PRELID2: variants seen among roughly 807,000 people sequenced by gnomAD.
The protein encoded by PRELID2 is PRELI domain-containing protein 2.
PRELID2 carries 25 observed loss-of-function variants against 28.4 expected under a neutral mutation model. The ratio of observed to expected loss-of-function variants is 0.88; its 90% confidence interval spans 0.64 to 1.23. PRELID2 has a LOEUF of 1.23. PRELID2 is among the 50% of genes most tolerant of loss of function. The pLI is 0.00. For missense variants in PRELID2, 201 were observed against 214.4 expected, an observed-to-expected ratio of 0.94 and a Z score of 0.39; for synonymous variants, 76 against 71.6, an observed-to-expected ratio of 1.06 and a Z score of -0.31.
the PRELID2 span, among the ~76,000 whole-genome samples, chr5:145,302,605 A>G: frequency 2.6e-5 from 4 of 151,862 alleles, no homozygotes; most frequent in East Asian, 7.7e-4. Flanking sequence ...TTTTTATTTT[A>G]GTAGGTGTGT....
intron 5 of PRELID2, among the ~76,000 whole-genome samples, chr5:145,787,593 T>G (rs922590274): frequency 6.6e-6 from 1 of 151,534 alleles, no homozygotes; most frequent in Non-Finnish European, 1.5e-5. Flanking sequence ...CAGGCTAGGG[T>G]GCAGTGGTGC....
At chr5:145,656,045 A>C (rs2149674174) in intron 1 of PRELID2, among the ~76,000 whole-genome samples, 1 of 152,358 alleles carries the variant, frequency 6.6e-6, no homozygotes, top group South Asian at 2.1e-4. Context: ...GAACTCAAAC[A>C]AATTTATGAG....
At chr5:145,584,013 G>T (rs770718674) in intron 1 of PRELID2, among the ~76,000 whole-genome samples, 1 of 152,032 alleles carries the variant, frequency 6.6e-6, no homozygotes, top group Non-Finnish European at 1.5e-5. Context: ...AAAGCTGGAG[G>T]CATCACACTA....
the PRELID2 span, among the ~76,000 whole-genome samples, chr5:145,360,727 CTATTTGATATGGAGT>C: frequency 1.4e-4 from 22 of 152,140 alleles, no homozygotes; most frequent in African/African-American, 5.3e-4. Flanking sequence ...GTCAATAACT[CTATTTGATATGGAGT>C]TATAATAATT....
At chr5:145,346,829 TATCTTTACATGCC>T in the PRELID2 span, among the ~76,000 whole-genome samples, 1 of 152,164 alleles carries the variant, frequency 6.6e-6, no homozygotes, top group African/African-American at 2.4e-5. Context: ...GAACTCTGCT[TATCTTTACATGCC>T]AGAAAGGAAG....
the PRELID2 span, among the ~76,000 whole-genome samples, chr5:145,409,822 C>T: frequency 3.3e-5 from 5 of 150,858 alleles, no homozygotes; most frequent in Admixed American, 1.3e-4. Context: ...GAAACTATCA[C>T]ATGAAACCAA....
intron 1 of PRELID2, among the ~76,000 whole-genome samples, chr5:145,601,383 C>T (rs1753395532): frequency 1.3e-5 from 2 of 151,758 alleles, no homozygotes; most frequent in Non-Finnish European, 2.9e-5. Context: ...TCACCAGCCC[C>T]GTTGATGGTT....
intron 1 of PRELID2, among the ~76,000 whole-genome samples, chr5:145,474,830 C>CA (rs892052719): frequency 1.3e-5 from 2 of 151,926 alleles, no homozygotes; most frequent in East Asian, 1.9e-4. Flanking sequence ...GGATCATTGA[C>CA]AAAAAAATAG....
At chr5:145,546,976 C>G (rs553554174) in intron 1 of PRELID2, among the ~76,000 whole-genome samples, 1 of 152,188 alleles carries the variant, frequency 6.6e-6, no homozygotes, top group African/African-American at 2.4e-5. Context: ...TAATACCTAC[C>G]TCAGAGGCTT....
intron 1 of PRELID2, among the ~76,000 whole-genome samples, chr5:145,604,691 C>G (rs964838025): frequency 2.7e-5 from 4 of 150,016 alleles, no homozygotes; most frequent in African/African-American, 9.8e-5. Context: ...ACATTCCTAC[C>G]AGCAGTATAT....
chr5:145,540,863 T>A (rs980168081), intron 1 of PRELID2, among the ~76,000 whole-genome samples: 6 of 151,792 alleles, frequency 4.0e-5, no homozygotes, highest in African/African-American at 1.5e-4. Context: ...ATATATCAGG[T>A]TTTCGAAAAT....
Position 145,607,653 on chromosome 5 carries a change from T to C in PRELID2, n.71-134338A>G, listed in dbSNP as rs1222974809. Among the ~76,000 whole-genome samples, 3 of 152,156 alleles carry C rather than the reference T, an allele frequency of 2.0e-5. No homozygotes were observed. The East Asian group carries it at 5.8e-4, about 29-fold the overall frequency. On this transcript the variant is annotated intron_variant and non_coding_transcript_variant, in intron 1 of 2. Transcript: ENST00000510259. ...TTTTTGATTTTGCTGAGGGTTGTTT[T>C]ATGGCTGATTGTGTGATCATTTTTA...
chr5:145,342,922 A>C, the PRELID2 span, among the ~76,000 whole-genome samples: 1 of 151,232 alleles, frequency 6.6e-6, no homozygotes, highest in African/African-American at 2.4e-5. Flanking sequence ...AAAAAAAGAC[A>C]AAGAAAGTCT....
At chr5:145,392,197 T>A in the PRELID2 span, among the ~76,000 whole-genome samples, 1 of 152,134 alleles carries the variant, frequency 6.6e-6, no homozygotes, top group Non-Finnish European at 1.5e-5. Flanking sequence ...ACTGGGTAAT[T>A]TATAAAGAAA....
chr5:145,425,078 A>AG, the PRELID2 span, among the ~76,000 whole-genome samples: 2 of 151,532 alleles, frequency 1.3e-5, no homozygotes, highest in African/African-American at 4.8e-5. Context: ...AAGAAAAAAA[A>AG]ACATTAAAAA....
intron 1 of PRELID2, among the ~76,000 whole-genome samples, chr5:145,575,709 G>A (rs1753054634): frequency 6.6e-6 from 1 of 152,162 alleles, no homozygotes; most frequent in South Asian, 2.1e-4. Flanking sequence ...TATAAAAGTA[G>A]CCCTTCATTA....
chr5:145,474,974 C>G (rs139234143), intron 1 of PRELID2, among the ~76,000 whole-genome samples: 1 of 152,110 alleles, frequency 6.6e-6, no homozygotes, highest in Non-Finnish European at 1.5e-5. Context: ...GCCAATAGGT[C>G]TGTTATTTAT....
chr5:145,279,513 A>G, the PRELID2 span, among the ~76,000 whole-genome samples: 2 of 152,172 alleles, frequency 1.3e-5, no homozygotes, highest in Non-Finnish European at 2.9e-5. Context: ...TCTATGTGGT[A>G]ATGTTAAGGC....
At chr5:145,377,679 A>G in the PRELID2 span, among the ~76,000 whole-genome samples, 1 of 152,024 alleles carries the variant, frequency 6.6e-6, no homozygotes, top group African/African-American at 2.4e-5. Flanking sequence ...AGAAACTAGG[A>G]TTGCAACCCC....
Sources: allele counts gnomAD v4.1 joint callset (sites outside exome capture counted in the v4.1 genomes callset), GRCh38; gene constraint gnomAD v4.1.1; transcripts MANE v1.5; gene names NCBI Gene and HGNC (gene_info 2026-07-23, HGNC 2026-07-21).